IL1RAP: variants seen among roughly 807,000 people sequenced by gnomAD.
The protein encoded by IL1RAP is interleukin-1 receptor accessory protein.
Under a neutral mutation model 60.7 loss-of-function variants are expected in IL1RAP, and 35 were observed. The ratio of observed to expected loss-of-function variants is 0.58; its 90% CI spans 0.44 to 0.76. IL1RAP has a LOEUF of 0.76. Among genes scored for constraint, IL1RAP ranks in the 30% least tolerant of loss-of-function variants. The probability of loss-of-function intolerance (pLI) is 0.00; values close to 1 mark genes in which losing one functional copy is unlikely to be tolerated. For synonymous variants in IL1RAP, 268 were observed against 250.9 expected, an observed-to-expected ratio of 1.07 and a Z score of -0.64; for missense variants, 572 against 693.9, an observed-to-expected ratio of 0.82 and a Z score of 1.97.
At chr3:190,570,471 T>G (rs1726813591) in intron 3 of IL1RAP, among the ~76,000 whole-genome samples, 1 of 152,236 alleles carries the variant, frequency 6.6e-6, no homozygotes, top group Admixed American at 6.5e-5. Context: ...AATAGCACTT[T>G]TCTGCAGTGT....
At chr3:190,516,766 G>A (rs1180530655) in intron 1 of IL1RAP, among the ~76,000 whole-genome samples, 2 of 152,074 alleles carry the variant, frequency 1.3e-5, no homozygotes, top group Admixed American at 6.5e-5. Context: ...TCTGTATAAC[G>A]AATAAATTCA....
At chr3:190,539,573 A>C (rs1051764620) in intron 1 of IL1RAP, among the ~76,000 whole-genome samples, 4 of 151,978 alleles carry the variant, frequency 2.6e-5, no homozygotes, top group South Asian at 2.1e-4. Context: ...TTCTACTCGT[A>C]TTCCAATACT....
chr3:190,623,192 T>C, intron 6 of IL1RAP, 152 bp from the exon 7 acceptor site: 3 of 614,260 alleles, frequency 4.9e-6, no homozygotes, highest in Non-Finnish European at 8.8e-6. Flanking sequence ...ATGACTGAAG[T>C]GCAGTAATTG....
chr3:190,574,489 A>G (rs1727267386), intron 3 of IL1RAP, among the ~76,000 whole-genome samples: 1 of 152,150 alleles, frequency 6.6e-6, no homozygotes, highest in South Asian at 2.1e-4. Flanking sequence ...CCCTGTGGCT[A>G]ACTCAGAGAT....
intron 1 of IL1RAP, among the ~76,000 whole-genome samples, chr3:190,555,043 C>T (rs1725283018): frequency 6.6e-6 from 1 of 152,104 alleles, no homozygotes; most frequent in Admixed American, 6.6e-5. Context: ...GGATCGTGAT[C>T]TTCAGACCAT....
At chr3:190,634,531 G>A (rs539527372) in intron 9 of IL1RAP, among the ~76,000 whole-genome samples, 2 of 151,874 alleles carry the variant, frequency 1.3e-5, no homozygotes, top group African/African-American at 4.8e-5. Flanking sequence ...ATATTGGTTT[G>A]TTTGGTTTGT....
intron 9 of IL1RAP, among the ~76,000 whole-genome samples, chr3:190,641,449 A>G (rs936623452): frequency 1.3e-5 from 2 of 152,192 alleles, no homozygotes; most frequent in Non-Finnish European, 2.9e-5. Flanking sequence ...TATTTAGAAA[A>G]TCCAGCTAGT....
At chr3:190,630,782 A>G (rs569088083) in intron 9 of IL1RAP, among the ~76,000 whole-genome samples, 45 of 152,334 alleles carry the variant, frequency 3.0e-4, no homozygotes, top group African/African-American at 1.0e-3. Context: ...CTCTAGAATC[A>G]GAGCACCTGT....
At position 190,650,198 on chromosome 3, in the gene IL1RAP, T is replaced by C; in HGVS notation, c.*1493T>C. 3.0e-6 allele frequency: 3 copies of C among 984,342 alleles called. No individual in the cohort carries two copies. The highest frequency in any genetic ancestry group is 3.6e-6 in the Non-Finnish European group (3 of 828,946). The allele number at this position is 984,342 out of a possible 1,614,324, so 61.0% of individuals were successfully genotyped here. A position where few individuals can be genotyped will look rare whatever the true frequency, so the allele number is the denominator to read the frequency against. On this transcript the variant is annotated 3_prime_UTR_variant, in exon 12 of 12. Coordinates refer to ENST00000447382, the MANE Select transcript of IL1RAP (RefSeq NM_002182.4). Reference sequence around the variant, plus strand: ...TTTTACTGGAATGTTTTTGTGTCAGTGTTTTCTGTACATATTATTTGTTAA... The same window carrying C: ...TTTTACTGGAATGTTTTTGTGTCAGCGTTTTCTGTACATATTATTTGTTAA...
chr3:190,603,271 A>C (rs1196786178), intron 3 of IL1RAP, among the ~76,000 whole-genome samples: 1 of 152,210 alleles, frequency 6.6e-6, no homozygotes, highest in East Asian at 1.9e-4. Context: ...TTGATGATAA[A>C]AATATAAAAT....
rs554345965 is a variant in IL1RAP, at chr3:190,651,094, A to G, written c.*2389A>G. On this transcript the variant is annotated 3_prime_UTR_variant, in exon 12 of 12. Coordinates refer to ENST00000447382, the MANE Select transcript of IL1RAP (RefSeq NM_002182.4). ...AGATTTTTTTTTAATGTTCCAGAAG[A>G]TGGCCAATAGAGAACATTCAAGGGA... 9.5e-5 allele frequency: 94 copies of G among 984,910 alleles called. 1 individual carries two copies. In the African/African-American group the frequency reaches 1.6e-3, roughly 17 times the overall value. 61.0% of individuals were successfully genotyped at this position (984,910 alleles called of 1,614,324 possible).
intron 5 of IL1RAP, among the ~76,000 whole-genome samples, chr3:190,611,331 T>G (rs1380143081): frequency 6.6e-6 from 1 of 152,218 alleles, no homozygotes; most frequent in Admixed American, 6.5e-5. Context: ...CACTGTCATT[T>G]TGCAGGAGAT....
At chr3:190,619,502 G>A (rs1053420653) in intron 5 of IL1RAP, among the ~76,000 whole-genome samples, 17 of 152,068 alleles carry the variant, frequency 1.1e-4, no homozygotes, top group African/African-American at 3.1e-4. Context: ...CCAGGCAGGC[G>A]GATCACGAGG....
At chr3:190,525,893 T>C (rs990794770) in intron 1 of IL1RAP, among the ~76,000 whole-genome samples, 3 of 152,230 alleles carry the variant, frequency 2.0e-5, no homozygotes, top group African/African-American at 7.2e-5. Context: ...ATGTAATCAA[T>C]TCCCCAAAAC....
At chr3:190,635,602 G>T (rs533318890) in intron 9 of IL1RAP, among the ~76,000 whole-genome samples, 2 of 152,026 alleles carry the variant, frequency 1.3e-5, no homozygotes, top group East Asian at 3.9e-4. Flanking sequence ...ATTTCTTTTT[G>T]ACCTAAGGGT....
intron 3 of IL1RAP, among the ~76,000 whole-genome samples, chr3:190,570,551 ATATTTATT>A (rs142993218): frequency 6.0e-5 from 9 of 150,230 alleles, no homozygotes; most frequent in East Asian, 2.0e-4. Flanking sequence ...AGATACTTTC[ATATTTATT>A]TATTTATTTA....
chr3:190,634,172 C>A (rs1733007052), intron 9 of IL1RAP, among the ~76,000 whole-genome samples: 1 of 151,986 alleles, frequency 6.6e-6, no homozygotes, highest in Admixed American at 6.6e-5. Context: ...AAATGTTCAT[C>A]CAATTTTGCA....
rs556992311 is a variant in IL1RAP, at chr3:190,629,689, C to G, written c.1051+191C>G. 7.6e-6 allele frequency: 10 copies of G among 1,316,726 alleles called. No individual in the cohort carries two copies. The African/African-American group carries it at 1.5e-4, about 20-fold the overall frequency. The allele number at this position is 1,316,726 out of a possible 1,614,324, so 81.6% of individuals were successfully genotyped here. A position where few individuals can be genotyped will look rare whatever the true frequency, so the allele number is the denominator to read the frequency against. On this transcript the variant is annotated intron_variant, in intron 9 of 11. Coordinates refer to ENST00000447382, the MANE Select transcript of IL1RAP (RefSeq NM_002182.4). ...ATGTAAGATACTCAAAATATTGTTT[C>G]TGATATTGTTAGTACCGTAATGCCC... is the stretch of plus-strand genomic sequence containing the variant.
rs188583312 is a variant in IL1RAP at position 190,645,679 on chromosome 3, A to G, written c.1202-20A>G. On this transcript the variant is annotated intron_variant, in intron 10 of 11. Coordinates refer to ENST00000447382, the MANE Select transcript of IL1RAP (RefSeq NM_002182.4). ...GAGAAACTTTCCTAATTTACATTGT[A>G]TCTGTGTTCCTTTTGCTAGATGGAA... is the stretch of plus-strand genomic sequence containing the variant. The G allele has an allele frequency of 1.4e-4, 219 of 1,589,514 alleles. No homozygotes were observed. Among genetic ancestry groups the G allele is most frequent in the Admixed American group, 5.7e-4 (33 of 58,310 alleles).
Sources: gnomAD v4.1 joint callset for allele counts (sites outside exome capture counted in the v4.1 genomes callset) on GRCh38, gnomAD v4.1.1 for gene constraint, MANE v1.5 for transcripts, NCBI Gene and HGNC (gene_info 2026-07-23, HGNC 2026-07-21) for gene names.